ZNF148: variants seen among roughly 807,000 people sequenced by gnomAD.
ZNF148 encodes zinc finger protein 148, also known as Beta-Enolase Repressor Factor-1.
Under a neutral mutation model 67.7 loss-of-function variants are expected in ZNF148, and 7 were observed. The observed-to-expected ratio is 0.10, with a 90% CI of 0.06 to 0.19. The LOEUF (loss-of-function observed/expected upper bound fraction) is 0.19. Ranked by LOEUF, ZNF148 falls within the 10% of genes least tolerant of loss-of-function variation. The pLI is 1.00. For missense variants in ZNF148, 583 were observed against 947.1 expected, an observed-to-expected ratio of 0.62 and a Z score of 5.05; for synonymous variants, 333 against 330.7, an observed-to-expected ratio of 1.01 and a Z score of -0.08.
chr3:125,239,831 C>G (rs1936265717), intron 7 of ZNF148, among the ~76,000 whole-genome samples: 1 of 152,108 alleles, frequency 6.6e-6, no homozygotes, highest in Non-Finnish European at 1.5e-5. Context: ...TATTACTCAA[C>G]TATAAAAAGA....
intron 7 of ZNF148, among the ~76,000 whole-genome samples, chr3:125,255,657 T>C (rs1937042169): frequency 6.6e-6 from 1 of 152,146 alleles, no homozygotes; most frequent in Non-Finnish European, 1.5e-5. Flanking sequence ...TCAGTTTTTC[T>C]TCACCTGAAA....
intron 1 of ZNF148, among the ~76,000 whole-genome samples, chr3:125,347,448 A>G (rs959587527): frequency 1.3e-5 from 2 of 152,264 alleles, no homozygotes; most frequent in African/African-American, 2.4e-5. Context: ...ACAAAGCTAC[A>G]GTAATCAAGA....
intron 3 of ZNF148, among the ~76,000 whole-genome samples, chr3:125,320,164 C>G (rs1940706253): frequency 1.3e-5 from 2 of 152,172 alleles, no homozygotes; most frequent in African/African-American, 4.8e-5. Context: ...TCTTCTTAAG[C>G]TACCTTCCTC....
intron 4 of ZNF148, among the ~76,000 whole-genome samples, chr3:125,300,566 A>T (rs1182118140): frequency 6.6e-6 from 1 of 152,256 alleles, no homozygotes; most frequent in African/African-American, 2.4e-5. Flanking sequence ...AATGCGTAAC[A>T]GTATGCCTGC....
chr3:125,287,743 A>G (rs1408073584), intron 5 of ZNF148, among the ~76,000 whole-genome samples: 1 of 152,218 alleles, frequency 6.6e-6, no homozygotes, highest in Non-Finnish European at 1.5e-5. Flanking sequence ...CATGAAGTTT[A>G]CATCCTATTA....
At chr3:125,256,434 T>C (rs1347457536) in intron 7 of ZNF148, among the ~76,000 whole-genome samples, 3 of 151,532 alleles carry the variant, frequency 2.0e-5, no homozygotes, top group Non-Finnish European at 2.9e-5. Flanking sequence ...CCCAGCACTT[T>C]GGGAGGTCAA....
Position 125,288,181 on chromosome 3 carries a change from C to A in ZNF148, c.381G>T (p.Leu127=). ...EITFTDVSEQ[L]MRDKKQIREP... ...CTCTGATTTGTTTTTTGTCTCTCAT[C>A]AGTTGCTCAGATACATCAGTAAAAG... is the stretch of plus-strand genomic sequence containing the variant. Residue 127 remains leucine (L), a synonymous_variant, in exon 5 of 9, where the codon CTG becomes CTT. Transcript: ENST00000360647. The A allele has an allele frequency of 6.2e-7, 1 of 1,613,652 alleles. No homozygotes were observed. Among genetic ancestry groups the A allele is most frequent in the Non-Finnish European group, 8.5e-7 (1 of 1,179,826 alleles).
At chr3:125,268,816 CA>C (rs909637399) in intron 7 of ZNF148, among the ~76,000 whole-genome samples, 2 of 151,430 alleles carry the variant, frequency 1.3e-5, no homozygotes, top group East Asian at 3.9e-4. Flanking sequence ...CTGATCTCTA[CA>C]AAAAAAACTG....
At position 125,259,450 on chromosome 3, in the gene ZNF148, A is replaced by C. The variant is rs143068291; in HGVS notation, c.667+18276T>G. 8.3e-4 allele frequency among the ~76,000 whole-genome samples: 126 copies of C among 152,348 alleles called. 2 individuals are homozygous for C. The highest frequency in any genetic ancestry group is 2.8e-3 in the African/African-American group (117 of 41,592). Reference sequence around the variant, plus strand: ...TTGGAAAATGCTATGGTGATTTTTCATAACATTAAACATACAGGCATACCT... The same window carrying C: ...TTGGAAAATGCTATGGTGATTTTTCCTAACATTAAACATACAGGCATACCT... On this transcript the variant is annotated intron_variant, in intron 7 of 8. Coordinates refer to ENST00000360647, the MANE Select transcript of ZNF148 (RefSeq NM_021964.3).
chr3:125,355,975 CAAG>C (rs1254597521), intron 1 of ZNF148, among the ~76,000 whole-genome samples: 1 of 152,154 alleles, frequency 6.6e-6, no homozygotes, highest in African/African-American at 2.4e-5. Flanking sequence ...CCTAGCATTT[CAAG>C]GAGGCTAAAA....
At chr3:125,316,740 T>A (rs1453285031) in intron 3 of ZNF148, among the ~76,000 whole-genome samples, 3 of 152,246 alleles carry the variant, frequency 2.0e-5, no homozygotes, top group Non-Finnish European at 2.9e-5. Flanking sequence ...GTATATATTC[T>A]GGTTATTAAT....
At chr3:125,234,508 G>A (rs1353148067) in intron 7 of ZNF148, among the ~76,000 whole-genome samples, 179 bp from the exon 8 acceptor site, 1 of 152,154 alleles carries the variant, frequency 6.6e-6, no homozygotes, top group Admixed American at 6.5e-5. Flanking sequence ...GAAAGAAAAG[G>A]ATGAATACAG....
intron 7 of ZNF148, among the ~76,000 whole-genome samples, chr3:125,257,142 T>C (rs1209014717): frequency 6.6e-6 from 1 of 152,212 alleles, no homozygotes; most frequent in Non-Finnish European, 1.5e-5. Flanking sequence ...TTATTATCTA[T>C]TTTTCTCTTG....
At chr3:125,321,960 A>G (rs1447007284) in intron 3 of ZNF148, among the ~76,000 whole-genome samples, 1 of 151,678 alleles carries the variant, frequency 6.6e-6, no homozygotes, top group Non-Finnish European at 1.5e-5. Context: ...TTTAATACAT[A>G]CTATACAGTA....
intron 4 of ZNF148, among the ~76,000 whole-genome samples, chr3:125,304,597 C>A (rs939204987): frequency 1.3e-5 from 2 of 152,170 alleles, no homozygotes; most frequent in Non-Finnish European, 1.5e-5. Flanking sequence ...CCAGGTTTCT[C>A]ACCGTCTAAT....
At chr3:125,348,666 C>A (rs570069114) in intron 1 of ZNF148, among the ~76,000 whole-genome samples, 1 of 152,198 alleles carries the variant, frequency 6.6e-6, no homozygotes, top group African/African-American at 2.4e-5. Context: ...GTTAAAATGT[C>A]CATACTACTC....
At chr3:125,253,546 TTAAA>T (rs1345438052) in intron 7 of ZNF148, among the ~76,000 whole-genome samples, 10 of 152,176 alleles carry the variant, frequency 6.6e-5, no homozygotes, top group Admixed American at 4.6e-4. Context: ...TATTTCACCA[TTAAA>T]TAATTCAATA....
intron 4 of ZNF148, among the ~76,000 whole-genome samples, chr3:125,307,702 T>C (rs948093282): frequency 1.5e-4 from 23 of 152,142 alleles, no homozygotes; most frequent in African/African-American, 5.6e-4. Context: ...TGGAGTACAA[T>C]GGTGTGATCT....
chr3:125,358,122 T>A (rs1942423719), intron 1 of ZNF148, among the ~76,000 whole-genome samples: 1 of 151,994 alleles, frequency 6.6e-6, no homozygotes, highest in Admixed American at 6.6e-5. Flanking sequence ...GACCAGCCTA[T>A]CCAAAATGGT....
Sources: gnomAD v4.1 joint callset for allele counts (sites outside exome capture counted in the v4.1 genomes callset) on GRCh38, gnomAD v4.1.1 for gene constraint, MANE v1.5 for transcripts, NCBI Gene and HGNC (gene_info 2026-07-23, HGNC 2026-07-21) for gene names.